The following ADGRB3 variants were observed in gnomAD, a reference collection of about 807,000 sequenced individuals.
ADGRB3 encodes adhesion G protein-coupled receptor B3.
A neutral mutation model predicts 193.4 loss-of-function variants in ADGRB3; 37 were observed. The observed-to-expected ratio is 0.19, with a 90% CI of 0.15 to 0.25. The LOEUF is 0.25. Ranked by LOEUF, ADGRB3 falls within the 10% of genes least tolerant of loss-of-function variation. The pLI, the probability that ADGRB3 is intolerant of heterozygous loss-of-function variation, is 1.00. For synonymous variants in ADGRB3, 690 were observed against 644.2 expected (o/e 1.07, Z -1.08); for missense variants, 1,637 against 1,852.9 (o/e 0.88, Z 2.14).
intron 3 of ADGRB3, among the ~76,000 whole-genome samples, chr6:68,881,378 A>G (rs1290907584): frequency 6.6e-6 from 1 of 151,918 alleles, no homozygotes; most frequent in Non-Finnish European, 1.5e-5. Context: ...TTTTTTCCAC[A>G]TTTAGTACAA....
At chr6:68,909,653 T>C (rs1441052907) in intron 3 of ADGRB3, among the ~76,000 whole-genome samples, 1 of 152,194 alleles carries the variant, frequency 6.6e-6, no homozygotes, top group Non-Finnish European at 1.5e-5. Flanking sequence ...AGTAACTTTG[T>C]CATGCATTTT....
chr6:68,988,420 A>T (rs1224117173), intron 10 of ADGRB3, among the ~76,000 whole-genome samples: 1 of 152,138 alleles, frequency 6.6e-6, no homozygotes, highest in Non-Finnish European at 1.5e-5. Context: ...ATCCATGATT[A>T]TTGCAGGGAG....
intron 3 of ADGRB3, among the ~76,000 whole-genome samples, chr6:68,794,068 G>T (rs1767161702): frequency 6.6e-6 from 1 of 152,042 alleles, no homozygotes; most frequent in Non-Finnish European, 1.5e-5. Flanking sequence ...TGCAATTTTG[G>T]ACTTGTATGT....
intron 20 of ADGRB3, among the ~76,000 whole-genome samples, chr6:69,314,827 T>G (rs1338746137): frequency 6.6e-6 from 1 of 151,518 alleles, no homozygotes; most frequent in Non-Finnish European, 1.5e-5. Flanking sequence ...GATTCTATTT[T>G]TATTGCCACC....
At chr6:68,964,726 A>G (rs927510940) in intron 8 of ADGRB3, among the ~76,000 whole-genome samples, 1 of 152,196 alleles carries the variant, frequency 6.6e-6, no homozygotes, top group Non-Finnish European at 1.5e-5. Flanking sequence ...AAATTATGCA[A>G]TAATAATACA....
intron 10 of ADGRB3, among the ~76,000 whole-genome samples, chr6:68,986,660 A>G (rs779989321): frequency 2.9e-4 from 44 of 152,164 alleles, no homozygotes; most frequent in Non-Finnish European, 5.6e-4. Flanking sequence ...GAACTAAATT[A>G]AAAGATGTAT....
intron 20 of ADGRB3, among the ~76,000 whole-genome samples, chr6:69,262,642 G>T (rs186536216): frequency 1.3e-5 from 2 of 151,764 alleles, no homozygotes; most frequent in African/African-American, 4.8e-5. Context: ...TACTTTCTGC[G>T]GTTCCAGTTA....
At chr6:69,011,750 A>G (rs1381702284) in intron 11 of ADGRB3, among the ~76,000 whole-genome samples, 1 of 152,104 alleles carries the variant, frequency 6.6e-6, no homozygotes, top group African/African-American at 2.4e-5. Context: ...AAGTCATTAT[A>G]TACACTGAGG....
intron 3 of ADGRB3, among the ~76,000 whole-genome samples, chr6:68,696,330 T>C (rs1189860677): frequency 1.3e-5 from 2 of 151,864 alleles, no homozygotes; most frequent in Non-Finnish European, 2.9e-5. Flanking sequence ...CAAAGGCCTA[T>C]ATAATAATGT....
At chr6:69,147,329 T>G (rs546086973) in intron 17 of ADGRB3, among the ~76,000 whole-genome samples, 1 of 152,308 alleles carries the variant, frequency 6.6e-6, no homozygotes, top group Non-Finnish European at 1.5e-5. Context: ...CCCATAGGTC[T>G]TGGTATGTTT....
At chr6:68,838,214 G>A (rs906157789) in intron 3 of ADGRB3, among the ~76,000 whole-genome samples, 2 of 152,036 alleles carry the variant, frequency 1.3e-5, no homozygotes, top group Non-Finnish European at 2.9e-5. Flanking sequence ...CATTATCAAC[G>A]CTCATTTCCC....
At chr6:68,979,360 A>G (rs1024048255) in intron 10 of ADGRB3, among the ~76,000 whole-genome samples, 2 of 151,382 alleles carry the variant, frequency 1.3e-5, no homozygotes, top group African/African-American at 4.8e-5. Flanking sequence ...AATACCTAGA[A>G]ATGTGTAGTG....
At chr6:68,835,541 A>T (rs1035835164) in intron 3 of ADGRB3, among the ~76,000 whole-genome samples, 1 of 152,134 alleles carries the variant, frequency 6.6e-6, no homozygotes, top group African/African-American at 2.4e-5. Flanking sequence ...ACTCACATAA[A>T]CATGATATAT....
chr6:69,143,596 A>C (rs919770234), intron 17 of ADGRB3, among the ~76,000 whole-genome samples: 2 of 152,204 alleles, frequency 1.3e-5, no homozygotes, highest in Non-Finnish European at 2.9e-5. Flanking sequence ...ATTCTTCTGC[A>C]TATGGATATC....
Position 68,724,663 on chromosome 6 carries a change from A to T in ADGRB3, c.757+85231A>T, listed in dbSNP as rs1033696699. ...TGACAGTCTAAGCACAAAAACCCAT[A>T]TTTTTTTTTTTTTTGGTAAAAACTC... On this transcript the variant is annotated intron_variant, in intron 3 of 31. Coordinates refer to ENST00000370598, the MANE Select transcript of ADGRB3 (RefSeq NM_001704.3). Among the ~76,000 whole-genome samples the T allele has an allele frequency of 4.7e-3, 675 of 144,570 alleles. 4 individuals carry two copies. The highest frequency in any genetic ancestry group is 8.6e-3 in the Non-Finnish European group (560 of 65,392). 94.8% of individuals were successfully genotyped at this position (144,570 alleles called of 152,430 possible). A position where few individuals can be genotyped will look rare whatever the true frequency, so the allele number is the denominator to read the frequency against.
intron 17 of ADGRB3, among the ~76,000 whole-genome samples, chr6:69,104,639 G>A (rs1773160143): frequency 6.6e-6 from 1 of 152,032 alleles, no homozygotes; most frequent in South Asian, 2.1e-4. Flanking sequence ...AGTATGGGAA[G>A]CTGTCACTTC....
At chr6:68,959,530 G>A (rs1249748793) in intron 8 of ADGRB3, among the ~76,000 whole-genome samples, 1 of 151,944 alleles carries the variant, frequency 6.6e-6, no homozygotes, top group Non-Finnish European at 1.5e-5. Flanking sequence ...TCAGGAAGGA[G>A]AAATATATAT....
chr6:68,800,201 T>C (rs1326487160), intron 3 of ADGRB3, among the ~76,000 whole-genome samples: 1 of 152,180 alleles, frequency 6.6e-6, no homozygotes, highest in African/African-American at 2.4e-5. Flanking sequence ...TATAGATTGA[T>C]TAGTTTCAGT....
chr6:68,659,870 A>T (rs533636543), intron 3 of ADGRB3, among the ~76,000 whole-genome samples: 3 of 151,090 alleles, frequency 2.0e-5, no homozygotes, highest in East Asian at 3.9e-4. Flanking sequence ...CTCCATGCAC[A>T]CACAATTGCT....
Sources: gnomAD v4.1 joint callset for allele counts (sites outside exome capture counted in the v4.1 genomes callset) on GRCh38, gnomAD v4.1.1 for gene constraint, MANE v1.5 for transcripts, NCBI Gene and HGNC (gene_info 2026-07-23, HGNC 2026-07-21) for gene names.